Variants in TP53BP1 observed in about 807,000 individuals in gnomAD.
The protein encoded by TP53BP1 is tumor protein p53 binding protein 1, also known as TP53-binding protein 1.
TP53BP1 carries 61 observed loss-of-function variants against 200.8 expected under a neutral mutation model. That is an observed-to-expected ratio of 0.30 (90% confidence interval 0.25 to 0.38). The LOEUF (loss-of-function observed/expected upper bound fraction) is 0.38, where lower values mean the gene tolerates loss of function less well. TP53BP1 is among the 10% of genes least tolerant of loss of function. The pLI, the probability that TP53BP1 is intolerant of heterozygous loss-of-function variation, is 1.00. For synonymous variants in TP53BP1, 822 were observed against 844.3 expected (o/e 0.97, Z 0.46); for missense variants, 2,144 against 2,371.9 (o/e 0.90, Z 2.00).
At chr15:43,429,230 G>A (rs541630649) in intron 17 of TP53BP1, among the ~76,000 whole-genome samples, 3 of 152,006 alleles carry the variant, frequency 2.0e-5, no homozygotes, top group Non-Finnish European at 4.4e-5. Flanking sequence ...TTACCACCTC[G>A]AATCATTAGT....
chr15:43,465,482 G>A (rs955326264), intron 11 of TP53BP1, among the ~76,000 whole-genome samples: 1 of 151,324 alleles, frequency 6.6e-6, no homozygotes, highest in Admixed American at 6.6e-5. Flanking sequence ...AAAAGTAGGA[G>A]GCAAAATAAA....
chr15:43,431,416 AT>A (rs201062076), intron 17 of TP53BP1, among the ~76,000 whole-genome samples: 5 of 149,604 alleles, frequency 3.3e-5, no homozygotes, highest in Non-Finnish European at 4.5e-5. Flanking sequence ...CATCTACTCA[AT>A]TTTTTTTTTA....
intron 1 of TP53BP1, 76 bp from the exon 2 acceptor site, chr15:43,492,544 G>C: frequency 8.2e-7 from 1 of 1,219,562 alleles, no homozygotes; most frequent in Non-Finnish European, 1.2e-6. Context: ...TAAATAATGG[G>C]GCGGAAGTAC....
intron 12 of TP53BP1, among the ~76,000 whole-genome samples, chr15:43,449,374 A>G (rs2046116014): frequency 6.6e-6 from 1 of 152,262 alleles, no homozygotes; most frequent in Admixed American, 6.5e-5. Flanking sequence ...GAAAATGTGC[A>G]TGAAATCTTT....
intron 12 of TP53BP1, among the ~76,000 whole-genome samples, chr15:43,452,646 C>T (rs1275886546): frequency 2.0e-5 from 3 of 151,508 alleles, no homozygotes; most frequent in Non-Finnish European, 4.4e-5. Context: ...TATTTAACTT[C>T]TCCTCATAAA....
At chr15:43,480,794 G>T in intron 5 of TP53BP1, 101 bp downstream of exon 5, 1 of 1,301,436 alleles carries the variant, frequency 7.7e-7, no homozygotes, top group South Asian at 1.5e-5. Flanking sequence ...TTAATTATGA[G>T]AAATCTGCAA....
At chr15:43,465,176 G>C (rs2046542664) in intron 11 of TP53BP1, among the ~76,000 whole-genome samples, 1 of 151,906 alleles carries the variant, frequency 6.6e-6, no homozygotes, top group South Asian at 2.1e-4. Flanking sequence ...TCCATTTGTA[G>C]ACTGGTGTCT....
In TP53BP1 at chr15:43,403,685, G is replaced by C; in HGVS notation, c.*3698C>G. On this transcript the variant is annotated 3_prime_UTR_variant, in exon 28 of 28. Transcript: ENST00000382044. ...TGCCAACTCTGTTTCCCGGGTAGGT[G>C]TTTCACTGCCTGAATGAAATCCTAG... is the stretch of plus-strand genomic sequence containing the variant. 1 of 1,611,012 alleles carries C rather than the reference G, an allele frequency of 6.2e-7. No individual in the cohort carries two copies. The highest frequency in any genetic ancestry group is 8.5e-7 in the Non-Finnish European group (1 of 1,178,766).
At chr15:43,477,834 G>T in intron 7 of TP53BP1, 75 bp from the exon 8 acceptor site, 4 of 1,236,562 alleles carry the variant, frequency 3.2e-6, no homozygotes, top group Admixed American at 2.8e-5. Context: ...TTCCTGTTTT[G>T]TGTGTTTTTC....
At chr15:43,439,946 G>A (rs1176959187) in intron 15 of TP53BP1, among the ~76,000 whole-genome samples, 1 of 152,100 alleles carries the variant, frequency 6.6e-6, no homozygotes, top group Non-Finnish European at 1.5e-5. Flanking sequence ...ATATCATTAA[G>A]GGATCTTCAA....
intron 4 of TP53BP1, among the ~76,000 whole-genome samples, chr15:43,483,484 A>T (rs2079003913): frequency 6.6e-6 from 1 of 152,210 alleles, no homozygotes; most frequent in Admixed American, 6.6e-5. Context: ...TGTTTACAGC[A>T]ATTAGCCTCT....
In TP53BP1 at chr15:43,450,062, T is replaced by C. The variant is rs561831911; in HGVS notation, c.2717-2577A>G. ...TAGCAATCCTACATTCTTTAAATTA[T>C]CAAATCCCTTCTTGTTTTTCCAGAT... On this transcript the variant is annotated intron_variant, in intron 12 of 27. Coordinates refer to ENST00000382044, the MANE Select transcript of TP53BP1 (RefSeq NM_001141980.3). 8.1e-4 allele frequency among the ~76,000 whole-genome samples: 124 copies of C among 152,358 alleles called. 1 individual carries two copies. Among genetic ancestry groups the C allele is most frequent in the Non-Finnish European group, 1.6e-3 (109 of 68,036 alleles).
intron 14 of TP53BP1, among the ~76,000 whole-genome samples, chr15:43,442,542 G>C (rs1258682248): frequency 6.6e-6 from 1 of 151,596 alleles, no homozygotes; most frequent in Non-Finnish European, 1.5e-5. Context: ...CCGTTGCCCA[G>C]GCTAGAGTGC....
intron 12 of TP53BP1, among the ~76,000 whole-genome samples, chr15:43,452,410 C>A (rs1199207980): frequency 1.3e-5 from 2 of 151,926 alleles, no homozygotes; most frequent in Non-Finnish European, 2.9e-5. Context: ...TACAAAAAAT[C>A]AGCCAAGCAT....
chr15:43,419,844 C>G (rs690466), intron 21 of TP53BP1, among the ~76,000 whole-genome samples: 48,072 of 152,010 alleles, frequency 0.32, 11,210 homozygotes, highest in African/African-American at 0.66. Flanking sequence ...CAAATCAGAG[C>G]AGACCAAAGG....
At chr15:43,427,878 G>T in intron 18 of TP53BP1, 138 bp downstream of exon 18, 1 of 620,184 alleles carries the variant, frequency 1.6e-6, no homozygotes, top group Non-Finnish European at 2.8e-6. Context: ...GATCACTTGA[G>T]CCTGGGAGGC....
At chr15:43,489,950 T>C (rs1008641533) in intron 4 of TP53BP1, among the ~76,000 whole-genome samples, 1 of 152,122 alleles carries the variant, frequency 6.6e-6, no homozygotes, top group Non-Finnish European at 1.5e-5. Context: ...TCTCACTCTA[T>C]CAACCAGGCT....
At chr15:43,506,814 C>A (rs1349551419) in intron 1 of TP53BP1, among the ~76,000 whole-genome samples, 3 of 152,210 alleles carry the variant, frequency 2.0e-5, no homozygotes, top group Admixed American at 1.3e-4. Context: ...AGAATAGTGT[C>A]TGGAGACAGG....
upstream of TP53BP1, among the ~76,000 whole-genome samples, chr15:43,496,204 A>G (rs538892142): frequency 2.0e-5 from 3 of 152,330 alleles, no homozygotes; most frequent in South Asian, 4.1e-4. Context: ...TCATTGTCAG[A>G]AATTTTTCTT....
Sources: gnomAD v4.1 joint callset for allele counts (sites outside exome capture counted in the v4.1 genomes callset) on GRCh38, gnomAD v4.1.1 for gene constraint, MANE v1.5 for transcripts, NCBI Gene and HGNC (gene_info 2026-07-23, HGNC 2026-07-21) for gene names.